The following EPHA6 variants were observed in gnomAD, a reference collection of about 807,000 sequenced individuals.
EPHA6 encodes the protein ephrin type-A receptor 6.
A neutral mutation model predicts 112.0 loss-of-function variants in EPHA6; 50 were observed. The ratio of observed to expected loss-of-function variants is 0.45; its 90% confidence interval spans 0.36 to 0.56. The LOEUF (loss-of-function observed/expected upper bound fraction) is 0.56, where lower values mean the gene tolerates loss of function less well. Ranked by LOEUF, EPHA6 falls within the 20% of genes least tolerant of loss-of-function variation. The probability of loss-of-function intolerance (pLI) is 0.00; values close to 1 mark genes in which losing one functional copy is unlikely to be tolerated. For missense variants in EPHA6, 1,280 were observed against 1,417.4 expected, an observed-to-expected ratio of 0.90 and a Z score of 1.56; for synonymous variants, 529 against 490.7, an observed-to-expected ratio of 1.08 and a Z score of -1.03.
intron 5 of EPHA6, among the ~76,000 whole-genome samples, chr3:97,269,004 G>T (rs1465228722): frequency 6.6e-6 from 1 of 152,118 alleles, no homozygotes; most frequent in Middle Eastern, 3.4e-3. Flanking sequence ...TTCCCTTTAG[G>T]ATATTATTGA....
chr3:96,945,350 G>A (rs1187396327), intron 2 of EPHA6, among the ~76,000 whole-genome samples: 3 of 152,118 alleles, frequency 2.0e-5, no homozygotes, highest in African/African-American at 7.2e-5. Context: ...AAATGAAGTA[G>A]TCTGCACTCA....
intron 5 of EPHA6, among the ~76,000 whole-genome samples, chr3:97,261,743 C>T (rs2079511360): frequency 6.6e-6 from 1 of 152,120 alleles, no homozygotes; most frequent in Non-Finnish European, 1.5e-5. Flanking sequence ...GATAAAGTCA[C>T]AAAGCACTTC....
intron 3 of EPHA6, among the ~76,000 whole-genome samples, chr3:97,207,550 T>G (rs1440748518): frequency 6.6e-6 from 1 of 152,172 alleles, no homozygotes; most frequent in African/African-American, 2.4e-5. Context: ...TATAATATGT[T>G]CCAATTTATG....
intron 3 of EPHA6, among the ~76,000 whole-genome samples, chr3:97,099,814 A>C (rs562703694): frequency 6.6e-6 from 1 of 152,136 alleles, no homozygotes; most frequent in African/African-American, 2.4e-5. Context: ...CTGAATGATC[A>C]TATGGAGCAA....
intron 3 of EPHA6, among the ~76,000 whole-genome samples, chr3:97,156,116 C>G (rs2076284032): frequency 6.6e-6 from 1 of 152,102 alleles, no homozygotes; most frequent in African/African-American, 2.4e-5. Context: ...GTTATTTTAT[C>G]AGCTCTGTAA....
intron 2 of EPHA6, among the ~76,000 whole-genome samples, chr3:96,941,262 A>T (rs901058155): frequency 6.6e-6 from 1 of 151,952 alleles, no homozygotes; most frequent in African/African-American, 2.4e-5. Context: ...TGTTCTTTTC[A>T]CATAGTCCCA....
At chr3:97,278,376 T>G (rs2080169794) in intron 5 of EPHA6, among the ~76,000 whole-genome samples, 1 of 152,226 alleles carries the variant, frequency 6.6e-6, no homozygotes, top group African/African-American at 2.4e-5. Context: ...ACTAATTGTA[T>G]ACAGGAAGTT....
intron 3 of EPHA6, among the ~76,000 whole-genome samples, chr3:97,006,102 G>C (rs2043867552): frequency 6.6e-6 from 1 of 152,114 alleles, no homozygotes; most frequent in African/African-American, 2.4e-5. Flanking sequence ...TCTCTTCCCA[G>C]TTTTGGTATC....
intron 3 of EPHA6, among the ~76,000 whole-genome samples, chr3:97,082,857 T>G (rs1231462378): frequency 6.6e-6 from 1 of 151,986 alleles, no homozygotes; most frequent in Non-Finnish European, 1.5e-5. Context: ...CCAACATTTT[T>G]CTTACTTTTT....
intron 2 of EPHA6, among the ~76,000 whole-genome samples, chr3:96,933,392 C>A (rs1442217244): frequency 6.6e-6 from 1 of 151,984 alleles, no homozygotes; most frequent in African/African-American, 2.4e-5. Context: ...TTGTTACTTA[C>A]CTAATTAATT....
At chr3:97,312,187 T>C (rs1390021045) in intron 5 of EPHA6, among the ~76,000 whole-genome samples, 1 of 151,620 alleles carries the variant, frequency 6.6e-6, no homozygotes, top group East Asian at 1.9e-4. Flanking sequence ...ATAAGATCCT[T>C]TTATTTTTTC....
chr3:97,305,624 A>C (rs2081284873), intron 5 of EPHA6, among the ~76,000 whole-genome samples: 1 of 151,940 alleles, frequency 6.6e-6, no homozygotes, highest in South Asian at 2.1e-4. Context: ...ACAACAGAAA[A>C]CCAAACACTA....
At chr3:96,988,799 T>C (rs1186397396) in intron 3 of EPHA6, among the ~76,000 whole-genome samples, 1 of 152,156 alleles carries the variant, frequency 6.6e-6, no homozygotes, top group East Asian at 1.9e-4. Context: ...AAATGCTAGT[T>C]AAGTTTAGAA....
At chr3:97,078,495 T>C (rs1028897727) in intron 3 of EPHA6, among the ~76,000 whole-genome samples, 2 of 152,048 alleles carry the variant, frequency 1.3e-5, no homozygotes, top group Admixed American at 6.6e-5. Context: ...ATGGTATTGC[T>C]TAGGTTTTCT....
chr3:97,707,979 G>A (rs1376334903), intron 14 of EPHA6, among the ~76,000 whole-genome samples: 1 of 152,206 alleles, frequency 6.6e-6, no homozygotes, highest in African/African-American at 2.4e-5. Context: ...TACCCAGTCT[G>A]AGGTAGTTCT....
At chr3:96,938,517 A>G (rs1339941245) in intron 2 of EPHA6, among the ~76,000 whole-genome samples, 5 of 152,170 alleles carry the variant, frequency 3.3e-5, no homozygotes, top group Admixed American at 6.5e-5. Flanking sequence ...TGCTGAGACA[A>G]TGGGATTTTC....
intron 14 of EPHA6, among the ~76,000 whole-genome samples, chr3:97,714,686 C>A (rs1055391235): frequency 6.6e-6 from 1 of 152,216 alleles, no homozygotes; most frequent in Admixed American, 6.5e-5. Flanking sequence ...GTTGTCTGTT[C>A]TAACTAGTGA....
At chr3:97,343,078 T>C (rs2083388105) in intron 5 of EPHA6, among the ~76,000 whole-genome samples, 1 of 152,132 alleles carries the variant, frequency 6.6e-6, no homozygotes, top group African/African-American at 2.4e-5. Context: ...TTAAAAGCAA[T>C]TCCGGTATTG....
chr3:97,486,300 A>C (rs2091697188), intron 10 of EPHA6, among the ~76,000 whole-genome samples: 1 of 152,190 alleles, frequency 6.6e-6, no homozygotes, highest in Non-Finnish European at 1.5e-5. Flanking sequence ...TTTACTGTCC[A>C]TATTCAGAAA....
Sources: allele counts gnomAD v4.1 joint callset (sites outside exome capture counted in the v4.1 genomes callset), GRCh38; gene constraint gnomAD v4.1.1; transcripts MANE v1.5; gene names NCBI Gene and HGNC (gene_info 2026-07-23, HGNC 2026-07-21).